RIT2: variants seen among roughly 807,000 people sequenced by gnomAD.
RIT2 encodes GTP-binding protein Rit2.
Under a neutral mutation model 23.7 loss-of-function variants are expected in RIT2, and 24 were observed. The ratio of observed to expected loss-of-function variants is 1.01; its 90% CI spans 0.73 to 1.43. RIT2 has a LOEUF of 1.43. Ranked by LOEUF, RIT2 falls within the 40% of genes most tolerant of loss-of-function variation. The pLI is 0.00. For missense variants in RIT2, 236 were observed against 266.9 expected (o/e 0.88, Z 0.81); for synonymous variants, 107 against 91.1 (o/e 1.17, Z -0.99).
At chr18:43,034,184 C>G (rs897667940) in intron 1 of RIT2, among the ~76,000 whole-genome samples, 1 of 152,012 alleles carries the variant, frequency 6.6e-6, no homozygotes, top group African/African-American at 2.4e-5. Context: ...TCCCTCTTGA[C>G]CTTCTCTGGT....
intron 4 of RIT2, among the ~76,000 whole-genome samples, chr18:42,809,746 T>C (rs1232881026): frequency 6.7e-6 from 1 of 149,948 alleles, no homozygotes; most frequent in Non-Finnish European, 1.5e-5. Flanking sequence ...TGAATGGCTC[T>C]AGATTAAAGA....
At chr18:42,899,575 G>T (rs1159482114) in intron 4 of RIT2, among the ~76,000 whole-genome samples, 2 of 152,052 alleles carry the variant, frequency 1.3e-5, no homozygotes, top group African/African-American at 4.8e-5. Context: ...TCTCATGAGA[G>T]CTATAGTGAT....
intron 4 of RIT2, among the ~76,000 whole-genome samples, chr18:42,898,123 C>A (rs193280054): frequency 3.3e-5 from 5 of 152,070 alleles, no homozygotes; most frequent in African/African-American, 1.2e-4. Context: ...TGTGGGCGGC[C>A]GGGCACAATG....
intron 4 of RIT2, among the ~76,000 whole-genome samples, chr18:42,881,189 C>T (rs1009213574): frequency 6.6e-6 from 1 of 152,112 alleles, no homozygotes; most frequent in Admixed American, 6.5e-5. Flanking sequence ...CACAACCTAC[C>T]CACTAATTTG....
intron 4 of RIT2, among the ~76,000 whole-genome samples, chr18:42,761,265 C>G (rs986871129): frequency 6.6e-6 from 1 of 152,132 alleles, no homozygotes; most frequent in Non-Finnish European, 1.5e-5. Context: ...CAATATCCTG[C>G]TTATCCTTAC....
At chr18:42,821,063 GC>G (rs1906134681) in intron 4 of RIT2, among the ~76,000 whole-genome samples, 1 of 151,958 alleles carries the variant, frequency 6.6e-6, no homozygotes, top group Admixed American at 6.6e-5. Flanking sequence ...GTTTCCTGAG[GC>G]CCTCACCAGG....
intron 4 of RIT2, among the ~76,000 whole-genome samples, chr18:42,815,568 T>C (rs1246467255): frequency 6.6e-6 from 1 of 152,184 alleles, no homozygotes; most frequent in Non-Finnish European, 1.5e-5. Context: ...CTGAGGAACA[T>C]GTTGCTATCT....
chr18:42,967,957 T>TAC (rs1910275169), intron 3 of RIT2, among the ~76,000 whole-genome samples: 1 of 152,152 alleles, frequency 6.6e-6, no homozygotes, highest in South Asian at 2.1e-4. Context: ...AACCCAGTTT[T>TAC]AGTTCTTAAA....
intron 1 of RIT2, among the ~76,000 whole-genome samples, chr18:43,086,491 C>T (rs1289510073): frequency 6.6e-6 from 1 of 152,150 alleles, no homozygotes; most frequent in Non-Finnish European, 1.5e-5. Context: ...GGAGAATTTA[C>T]ATGTGAATAG....
intron 4 of RIT2, among the ~76,000 whole-genome samples, chr18:42,873,041 T>C (rs1181516324): frequency 6.6e-6 from 1 of 152,152 alleles, no homozygotes; most frequent in Non-Finnish European, 1.5e-5. Context: ...GTCATTAGAA[T>C]GATGGAAGAC....
At chr18:42,811,283 T>A (rs922243026) in intron 4 of RIT2, among the ~76,000 whole-genome samples, 1 of 152,098 alleles carries the variant, frequency 6.6e-6, no homozygotes, top group Non-Finnish European at 1.5e-5. Flanking sequence ...TGCAGCACCA[T>A]CTATAGCCAA....
intron 4 of RIT2, among the ~76,000 whole-genome samples, chr18:42,784,562 C>T (rs1201516550): frequency 6.6e-6 from 1 of 152,018 alleles, no homozygotes; most frequent in East Asian, 1.9e-4. Flanking sequence ...TAAGACATTT[C>T]TGCTAGTAAA....
intron 4 of RIT2, among the ~76,000 whole-genome samples, chr18:42,895,758 A>G (rs1279756659): frequency 1.3e-5 from 2 of 152,218 alleles, no homozygotes; most frequent in African/African-American, 4.8e-5. Context: ...GCAAAATCTG[A>G]CATCTCTATT....
intron 4 of RIT2, among the ~76,000 whole-genome samples, chr18:42,857,071 C>A (rs1598685818): frequency 6.6e-6 from 1 of 152,074 alleles, no homozygotes; most frequent in African/African-American, 2.4e-5. Flanking sequence ...CCGCCCACCT[C>A]GGCCTTCCAA....
At chr18:43,042,472 G>A (rs1273301794) in intron 1 of RIT2, among the ~76,000 whole-genome samples, 1 of 152,034 alleles carries the variant, frequency 6.6e-6, no homozygotes, top group Non-Finnish European at 1.5e-5. Flanking sequence ...GTCTTTGTTG[G>A]TGCTTCTACC....
chr18:42,935,560 C>T (rs114025901), intron 3 of RIT2, among the ~76,000 whole-genome samples: 2,612 of 152,104 alleles, frequency 0.017, 97 homozygotes, highest in African/African-American at 0.06. Flanking sequence ...ATCCTAAGAT[C>T]GAAGAGAGCC....
chr18:42,848,662 G>A (rs1176429753), intron 4 of RIT2, among the ~76,000 whole-genome samples: 4 of 152,170 alleles, frequency 2.6e-5, no homozygotes, highest in African/African-American at 9.7e-5. Context: ...GAGAATGACT[G>A]ACTCAGGTTC....
At chr18:43,108,531 T>C (rs371345294) in intron 1 of RIT2, among the ~76,000 whole-genome samples, 2 of 152,220 alleles carry the variant, frequency 1.3e-5, no homozygotes, top group African/African-American at 2.4e-5. Context: ...ACATGTGGGC[T>C]CATTGAGGGA....
At chr18:42,846,722 T>C (rs1246041557) in intron 4 of RIT2, among the ~76,000 whole-genome samples, 1 of 152,138 alleles carries the variant, frequency 6.6e-6, no homozygotes, top group Non-Finnish European at 1.5e-5. Flanking sequence ...AATACTTCAA[T>C]GTTATTATTC....
Sources: allele counts gnomAD v4.1 joint callset (sites outside exome capture counted in the v4.1 genomes callset), GRCh38; gene constraint gnomAD v4.1.1; transcripts MANE v1.5; gene names NCBI Gene and HGNC (gene_info 2026-07-23, HGNC 2026-07-21).